RORA: variants seen among roughly 807,000 people sequenced by gnomAD.
RORA encodes the protein nuclear receptor ROR-alpha.
In RORA, 7 loss-of-function variants were observed where a neutral mutation model predicts 69.5. That is an observed-to-expected ratio of 0.10 (90% CI 0.06 to 0.19). RORA has a LOEUF of 0.19. Ranked by LOEUF, RORA falls within the 10% of genes least tolerant of loss-of-function variation. The probability of loss-of-function intolerance (pLI) is 1.00; values close to 1 mark genes in which losing one functional copy is unlikely to be tolerated. For missense variants in RORA, 457 were observed against 663.0 expected (o/e 0.69, Z 3.41); for synonymous variants, 261 against 240.8 (o/e 1.08, Z -0.78).
chr15:60,819,535 G>A lies in RORA; in HGVS notation c.167-140849C>T, dbSNP rs1416819888. ...AATCAGAAAATGCAAATGAGGTCAA[G>A]TTTCTTACAGGCTTCTGTGAGATTT... On this transcript the variant is annotated intron_variant, in intron 1 of 10. Coordinates refer to ENST00000335670, the MANE Select transcript of RORA (RefSeq NM_134261.3). 1.1e-4 allele frequency among the ~76,000 whole-genome samples: 16 copies of A among 152,116 alleles called. 1 individual carries two copies. Among genetic ancestry groups the A allele is most frequent in the Admixed American group, 1.0e-3 (16 of 15,276 alleles).
At position 60,726,365 on chromosome 15, in the gene RORA, C is replaced by T. The variant is rs184818374; in HGVS notation, c.167-47679G>A. ...GAAATGTCTGCGTTCTTTGTTGTCT[C>T]GGGATTGCAAAAACAAAGGAGGCAA... On this transcript the variant is annotated intron_variant, in intron 1 of 10. Transcript: ENST00000335670. Among the ~76,000 whole-genome samples the T allele has an allele frequency of 6.6e-5, 10 of 152,168 alleles. No homozygotes were observed. The East Asian group carries it at 1.2e-3, about 18-fold the overall frequency.
chr15:60,857,971 CTG>C (rs2073398097), intron 1 of RORA, among the ~76,000 whole-genome samples: 1 of 152,234 alleles, frequency 6.6e-6, no homozygotes, highest in Non-Finnish European at 1.5e-5. Context: ...AGTGAGGACT[CTG>C]AGATCGGTCA....
At position 60,597,595 on chromosome 15, in the gene RORA, C is replaced by CATATATATAT. The variant is rs1303389761; in HGVS notation, c.197-65745_197-65744insATATATATAT. On this transcript the variant is annotated intron_variant, in intron 2 of 10. Transcript: ENST00000335670. ...ATATACACATATATATATATATATA[C>CATATATATAT]ACATATATATATATATATATATACA... 2.3e-3 allele frequency among the ~76,000 whole-genome samples: 71 copies of CATATATATAT among 30,396 alleles called. 1 individual carries two copies. Among genetic ancestry groups the CATATATATAT allele is most frequent in the Non-Finnish European group, 3.1e-3 (54 of 17,306 alleles). 19.9% of individuals were successfully genotyped at this position (30,396 alleles called of 152,430 possible).
intron 1 of RORA, among the ~76,000 whole-genome samples, chr15:61,005,905 A>G (rs776381230): frequency 3.3e-5 from 5 of 152,236 alleles, no homozygotes; most frequent in South Asian, 2.1e-4. Context: ...AAATGTTCAT[A>G]GTCACCTCTT....
chr15:60,941,822 G>C (rs752014151), intron 1 of RORA, among the ~76,000 whole-genome samples: 8 of 152,164 alleles, frequency 5.3e-5, no homozygotes, highest in Non-Finnish European at 7.3e-5. Flanking sequence ...GGTAAGGAAG[G>C]GTTTTAAATG....
At chr15:60,914,808 C>T (rs1440078147) in intron 1 of RORA, among the ~76,000 whole-genome samples, 3 of 152,154 alleles carry the variant, frequency 2.0e-5, no homozygotes, top group South Asian at 2.1e-4. Flanking sequence ...TCTCAGACAT[C>T]GTAAAGTGAT....
intron 1 of RORA, among the ~76,000 whole-genome samples, chr15:61,110,296 T>C (rs772931079): frequency 2.0e-5 from 3 of 151,624 alleles, no homozygotes; most frequent in Non-Finnish European, 2.9e-5. Flanking sequence ...CTAGGGAGGC[T>C]GAGGTGGAGA....
chr15:60,901,561 A>G (rs78330134), intron 1 of RORA, among the ~76,000 whole-genome samples: 194 of 152,372 alleles, frequency 1.3e-3, no homozygotes, highest in Non-Finnish European at 2.3e-3. Flanking sequence ...TGTAAATTAC[A>G]CCCAAATAAC....
intron 1 of RORA, among the ~76,000 whole-genome samples, chr15:60,755,888 C>T (rs139354321): frequency 2.0e-5 from 3 of 152,154 alleles, no homozygotes; most frequent in Non-Finnish European, 4.4e-5. Flanking sequence ...ACTCTGACTT[C>T]GGCTTAACCT....
chr15:60,875,345 C>G (rs1029220400), intron 1 of RORA, among the ~76,000 whole-genome samples: 1 of 152,136 alleles, frequency 6.6e-6, no homozygotes, highest in Non-Finnish European at 1.5e-5. Context: ...TAATCTACCC[C>G]CCTAAAAAAC....
intron 2 of RORA, chr15:60,627,128 G>C: frequency 1.1e-6 from 1 of 917,922 alleles, no homozygotes; most frequent in Admixed American, 2.2e-5. Context: ...TCCTTCACTC[G>C]TCAGATATTC....
At chr15:61,070,403 T>C (rs1215923857) in intron 1 of RORA, among the ~76,000 whole-genome samples, 1 of 152,214 alleles carries the variant, frequency 6.6e-6, no homozygotes, top group Non-Finnish European at 1.5e-5. Context: ...CCACCAGGTA[T>C]GGTAGAAGAG....
intron 1 of RORA, among the ~76,000 whole-genome samples, chr15:60,985,619 T>C: frequency 7.8e-6 from 1 of 127,738 alleles, no homozygotes. Context: ...GGGGTCTCAC[T>C]CTGTCACGAG....
rs1025623983 is a variant in RORA at position 61,147,141 on chromosome 15, C to A, written c.166+81912G>T. 1.3e-5 allele frequency among the ~76,000 whole-genome samples: 2 copies of A among 152,124 alleles called. No homozygotes were observed. Among genetic ancestry groups the A allele is most frequent in the African/African-American group, 4.8e-5 (2 of 41,412 alleles). On this transcript the variant is annotated intron_variant, in intron 1 of 10. Coordinates refer to ENST00000335670, the MANE Select transcript of RORA (RefSeq NM_134261.3). This position sits in a 1 kb window ranked among gnomAD's most constrained non-coding sequence, Gnocchi z 4.1. Reference sequence around the variant, plus strand: ...TTGGCAGATGCCTCATGCATTCTGGCCATTTTCGGGCTTATTTTATTCCCC... The same window carrying A: ...TTGGCAGATGCCTCATGCATTCTGGACATTTTCGGGCTTATTTTATTCCCC...
At chr15:61,039,899 T>C (rs549116365) in intron 1 of RORA, among the ~76,000 whole-genome samples, 18 of 151,616 alleles carry the variant, frequency 1.2e-4, no homozygotes, top group Admixed American at 4.6e-4. Context: ...GAATCTGCCT[T>C]TTTAACAAAG....
intron 1 of RORA, among the ~76,000 whole-genome samples, chr15:60,864,729 C>T (rs926067227): frequency 6.6e-6 from 1 of 152,194 alleles, no homozygotes; most frequent in Non-Finnish European, 1.5e-5. Flanking sequence ...CTTATAGATA[C>T]ATATGAACTT....
chr15:61,067,954 T>C (rs1016825043), intron 1 of RORA, among the ~76,000 whole-genome samples: 8 of 152,248 alleles, frequency 5.3e-5, no homozygotes, highest in African/African-American at 1.7e-4. Context: ...GATGATATTA[T>C]GAATGGCCAG....
chr15:61,084,776 G>C (rs1420903607), intron 1 of RORA, among the ~76,000 whole-genome samples: 1 of 151,444 alleles, frequency 6.6e-6, no homozygotes, highest in African/African-American at 2.4e-5. Context: ...GATCATTCTG[G>C]AACCTATACC....
At chr15:61,210,147 A>C (rs906297868) in intron 1 of RORA, among the ~76,000 whole-genome samples, 9 of 152,238 alleles carry the variant, frequency 5.9e-5, no homozygotes, top group Non-Finnish European at 1.2e-4. Flanking sequence ...ATAGATGTTA[A>C]AATGTGCAGT....
Sources: allele counts gnomAD v4.1 joint callset (sites outside exome capture counted in the v4.1 genomes callset), GRCh38; gene constraint gnomAD v4.1.1; non-coding constraint Gnocchi (gnomAD v3.1); transcripts MANE v1.5; gene names NCBI Gene and HGNC (gene_info 2026-07-23, HGNC 2026-07-21).